Variants in MCM10 observed in about 807,000 individuals in gnomAD.
MCM10 encodes protein MCM10 homolog.
A neutral mutation model predicts 109.9 loss-of-function variants in MCM10; 91 were observed. That is an observed-to-expected ratio of 0.83 (90% CI 0.70 to 0.99). The LOEUF is 0.99. Among genes scored for constraint, MCM10 ranks in the 50% least tolerant of loss-of-function variants. The pLI is 0.00. For missense variants in MCM10, 1,077 were observed against 1,061.2 expected (o/e 1.01, Z -0.21); for synonymous variants, 380 against 387.2 (o/e 0.98, Z 0.22).
At position 13,182,838 on chromosome 10, in the gene MCM10, T is replaced by C; in HGVS notation, c.931-95T>C. 2.2e-6 allele frequency: 2 copies of C among 915,310 alleles called. No homozygotes were observed. Among genetic ancestry groups the C allele is most frequent in the Non-Finnish European group, 3.3e-6 (2 of 611,032 alleles). The allele number at this position is 915,310 out of a possible 1,614,324, so 56.7% of individuals were successfully genotyped here. A position where few individuals can be genotyped will look rare whatever the true frequency, so the allele number is the denominator to read the frequency against. On this transcript the variant is annotated intron_variant, in intron 7 of 19. Coordinates refer to ENST00000378714, the MANE Select transcript of MCM10 (RefSeq NM_018518.5). This position sits in a 1 kb window ranked among gnomAD's most constrained non-coding sequence, Gnocchi z 4.2. ...AAAAAAACTTGGATTTTATGGATTA[T>C]AGGCATATAGTTTTCCATAGTAAAA...
In MCM10 at chr10:13,194,164, G is replaced by A. The variant is rs1038442021; in HGVS notation, c.1746-877G>A. Among the ~76,000 whole-genome samples, 5 of 152,166 alleles carry A rather than the reference G, an allele frequency of 3.3e-5. No homozygotes were observed. In the South Asian group the frequency reaches 6.2e-4, roughly 19 times the overall value. ...AGATCGCCTGAGCCCAGGAGTTTGAGACCAACCTGAGCAAAATGGCGAAAT... is the reference window on the plus strand; with the variant it reads ...AGATCGCCTGAGCCCAGGAGTTTGAAACCAACCTGAGCAAAATGGCGAAAT... On this transcript the variant is annotated intron_variant, in intron 13 of 19. Coordinates refer to ENST00000378714, the MANE Select transcript of MCM10 (RefSeq NM_018518.5).
chr10:13,170,569 T>C (rs935143457), intron 2 of MCM10, among the ~76,000 whole-genome samples: 2 of 152,344 alleles, frequency 1.3e-5, no homozygotes, highest in African/African-American at 2.4e-5. Flanking sequence ...CTAAGCAGTA[T>C]TGGCTCCTTC....
chr10:13,194,942 A>C, intron 13 of MCM10, 99 bp from the exon 14 acceptor site: 1 of 1,043,716 alleles, frequency 9.6e-7, no homozygotes, highest in Non-Finnish European at 1.4e-6. Flanking sequence ...ACTAGCTCCC[A>C]ACTGGTGGCC....
intron 7 of MCM10, among the ~76,000 whole-genome samples, chr10:13,181,026 C>T (rs527832019): frequency 1.3e-5 from 2 of 152,246 alleles, no homozygotes; most frequent in South Asian, 2.1e-4. Flanking sequence ...GTGTCAGTGC[C>T]GTGTGATATA....
At chr10:13,198,602 A>G (rs890861637) in intron 15 of MCM10, 87 bp from the exon 16 acceptor site, 3 of 810,602 alleles carry the variant, frequency 3.7e-6, no homozygotes, top group Non-Finnish European at 2.1e-6. Flanking sequence ...GCAGAGGAGG[A>G]GGGAGTGGGA....
chr10:13,192,684 C>A, intron 13 of MCM10, 116 bp downstream of exon 13: 1 of 885,904 alleles, frequency 1.1e-6, no homozygotes, highest in Non-Finnish European at 1.8e-6. Context: ...CGTTTTAACT[C>A]TGAAAGTTTA....
chr10:13,208,165 C>T (rs1211035216), intron 18 of MCM10, among the ~76,000 whole-genome samples: 2 of 152,134 alleles, frequency 1.3e-5, no homozygotes, highest in Non-Finnish European at 2.9e-5. Flanking sequence ...AGATGGAACA[C>T]TTGAGCCCAG....
intron 6 of MCM10, among the ~76,000 whole-genome samples, chr10:13,177,176 G>A (rs1834152640): frequency 6.6e-6 from 1 of 152,186 alleles, no homozygotes; most frequent in Non-Finnish European, 1.5e-5. Flanking sequence ...AATTGAGATA[G>A]AAGAGACTTA....
intron 5 of MCM10, 66 bp from the exon 6 acceptor site, chr10:13,175,444 A>T: frequency 7.1e-7 from 1 of 1,417,672 alleles, no homozygotes; most frequent in South Asian, 1.2e-5. Flanking sequence ...CGTAAAAACA[A>T]ATTTCCAAAT....
chr10:13,163,106 A>C (rs1312735967), intron 1 of MCM10, among the ~76,000 whole-genome samples: 1 of 151,854 alleles, frequency 6.6e-6, no homozygotes, highest in Non-Finnish European at 1.5e-5. Context: ...TGGGAGTCCA[A>C]GGCTGATGGA....
chr10:13,201,464 A>T lies in MCM10; in HGVS notation c.2282A>T (p.Lys761Ile), dbSNP rs759515783. ...MQERYFEPLV[K>I]KEQMEEKMRN... Reference sequence around the variant, plus strand: ...GAGCGCTACTTTGAGCCACTGGTGAAAAAAGAACAAATGGAAGAAAAGATG... The same window carrying T: ...GAGCGCTACTTTGAGCCACTGGTGATAAAAGAACAAATGGAAGAAAAGATG... Residue 761 changes from lysine to isoleucine, a missense_variant, in exon 17 of 20, where the codon AAA (lysine) becomes ATA (isoleucine). Coordinates refer to ENST00000378714, the MANE Select transcript of MCM10 (RefSeq NM_018518.5). 60 of 1,613,330 alleles carry T rather than the reference A, an allele frequency of 3.7e-5. No individual in the cohort carries two copies. Among genetic ancestry groups the T allele is most frequent in the Non-Finnish European group, 5.1e-5 (60 of 1,179,722 alleles).
rs1180502335 is a variant in MCM10, at chr10:13,172,474, T to G, written c.448T>G (p.Ser150Ala). Residue 150 changes from serine (S) to alanine (A), a missense_variant, in exon 4 of 20, where the codon TCC becomes GCC. Physicochemically the swap from Ser to Ala is moderately conservative, Grantham distance 99. Transcript: ENST00000378714. The surrounding 1 kb of genome is among the most constrained non-coding windows in gnomAD (Gnocchi z 5.2). ...QTASPARLQK[S>A]PEKSPRPPLK... ...AGCAAGCCCAGCCCGTCTGCAAAAA[T>G]CCCCTGGTAAGAAGACTGTCATTCT... 6.2e-7 allele frequency: 1 copy of G among 1,613,904 alleles called. No individual in the cohort carries two copies. Among genetic ancestry groups the G allele is most frequent in the East Asian group, 2.2e-5 (1 of 44,876 alleles).
At chr10:13,189,870 T>C (rs1834324766) in intron 10 of MCM10, among the ~76,000 whole-genome samples, 1 of 152,186 alleles carries the variant, frequency 6.6e-6, no homozygotes, top group Non-Finnish European at 1.5e-5. Flanking sequence ...CCCCTGACGC[T>C]GTAATCCAGG....
At chr10:13,203,692 T>C (rs1834530454) in intron 17 of MCM10, among the ~76,000 whole-genome samples, 1 of 152,204 alleles carries the variant, frequency 6.6e-6, no homozygotes, top group Non-Finnish European at 1.5e-5. Flanking sequence ...TCCTCGGTCC[T>C]TCTGAGGATC....
chr10:13,178,858 A>G (rs903613275), intron 6 of MCM10, among the ~76,000 whole-genome samples: 32 of 152,170 alleles, frequency 2.1e-4, no homozygotes, highest in African/African-American at 7.7e-4. Context: ...ATTTTTCCAT[A>G]TTTGGTATCC....
At chr10:13,175,732 CCT>C in intron 6 of MCM10, 51 bp downstream of exon 6, 1 of 1,291,356 alleles carries the variant, frequency 7.7e-7, no homozygotes, top group Non-Finnish European at 1.1e-6. Context: ...GCTTTTTGTG[CCT>C]CTCGGAGTCC....
At chr10:13,190,783 ATATTGTT>A (rs1834337502) in intron 10 of MCM10, among the ~76,000 whole-genome samples, 1 of 152,106 alleles carries the variant, frequency 6.6e-6, no homozygotes, top group South Asian at 2.1e-4. Context: ...AAATGAGATC[ATATTGTT>A]CCTATTCTTT....
In MCM10 at chr10:13,180,549, T is replaced by C. The variant is rs1834197419; in HGVS notation, c.872T>C (p.Ile291Thr). 6.2e-7 allele frequency: 1 copy of C among 1,613,756 alleles called. No individual in the cohort carries two copies. Among genetic ancestry groups the C allele is most frequent in the Admixed American group, 1.7e-5 (1 of 59,968 alleles). The change falls in exon 7 of 20, where the codon ATA (isoleucine) becomes ACA (threonine). Residue 291 changes from isoleucine (I) to threonine (T), a missense_variant. Transcript: ENST00000378714. ...ATGGCCAGAGAGAAGCTGGAAGAAATAGATTGGGTGACATTTGGGGTTATA... is the reference window on the plus strand; with the variant it reads ...ATGGCCAGAGAGAAGCTGGAAGAAACAGATTGGGTGACATTTGGGGTTATA... ...EKMAREKLEE[I>T]DWVTFGVILK...
At chr10:13,178,750 A>G (rs1243495276) in intron 6 of MCM10, among the ~76,000 whole-genome samples, 1 of 152,168 alleles carries the variant, frequency 6.6e-6, no homozygotes, top group Non-Finnish European at 1.5e-5. Context: ...GAAGACTGTC[A>G]TTGGTACTTT....
Sources: allele counts gnomAD v4.1 joint callset (sites outside exome capture counted in the v4.1 genomes callset), GRCh38; gene constraint gnomAD v4.1.1; non-coding constraint Gnocchi (gnomAD v3.1); transcripts MANE v1.5; gene names NCBI Gene and HGNC (gene_info 2026-07-23, HGNC 2026-07-21).